The following FBXO34 variants were observed in gnomAD, a reference collection of about 807,000 sequenced individuals.
FBXO34 encodes the protein F-box only protein 34.
Under a neutral mutation model 24.5 loss-of-function variants are expected in FBXO34, and 12 were observed. The observed-to-expected ratio is 0.49, with a 90% CI of 0.31 to 0.79. The LOEUF (loss-of-function observed/expected upper bound fraction) is 0.79, where lower values mean the gene tolerates loss of function less well. FBXO34 is among the 30% of genes least tolerant of loss of function. FBXO34 has a pLI of 0.04. For missense variants in FBXO34, 823 were observed against 857.7 expected (o/e 0.96, Z 0.51); for synonymous variants, 320 against 311.9 (o/e 1.03, Z -0.27).
At chr14:55,345,557 T>G (rs553330376) in intron 1 of FBXO34, among the ~76,000 whole-genome samples, 188 of 152,252 alleles carry the variant, frequency 1.2e-3, no homozygotes, top group Non-Finnish European at 9.1e-4. Context: ...TCTCCCCGTC[T>G]CCCCATGGGC....
At chr14:55,368,981 CTT>C (rs1036295033), downstream of FBXO34, 10 of 152,686 alleles carry the variant, frequency 6.5e-5, no homozygotes, top group African/African-American at 2.4e-4. Flanking sequence ...AAGAAAAAGA[CTT>C]TCATTTTCTT....
At chr14:55,388,961 A>T in the FBXO34 span, among the ~76,000 whole-genome samples, 2 of 152,030 alleles carry the variant, frequency 1.3e-5, no homozygotes, top group Non-Finnish European at 2.9e-5. Context: ...TTTTTTTTCA[A>T]CATGGCGATT....
intron 1 of FBXO34, among the ~76,000 whole-genome samples, chr14:55,274,644 G>A (rs1181136723): frequency 1.3e-5 from 2 of 152,092 alleles, no homozygotes; most frequent in Admixed American, 6.5e-5. Flanking sequence ...CTCAGGATAT[G>A]TTTATTGGAT....
At chr14:55,322,309 CAAAAAAAAA>C (rs3084455) in intron 1 of FBXO34, among the ~76,000 whole-genome samples, 12 of 122,050 alleles carry the variant, frequency 9.8e-5, no homozygotes, top group Non-Finnish European at 1.4e-4. Flanking sequence ...GACTCTGTCT[CAAAAAAAAA>C]AAAAAAAAAA....
downstream of FBXO34, among the ~76,000 whole-genome samples, chr14:55,373,022 C>T (rs760552478): frequency 6.4e-5 from 8 of 124,038 alleles, no homozygotes; most frequent in Non-Finnish European, 9.1e-5. Context: ...GAGGCCCCTG[C>T]GATGTTTCTC....
chr14:55,366,516 G>C (rs778333697), downstream of FBXO34: 1 of 152,546 alleles, frequency 6.6e-6, no homozygotes, highest in Non-Finnish European at 1.5e-5. Context: ...GGAGATTCTC[G>C]GACACTAGTC....
intron 1 of FBXO34, among the ~76,000 whole-genome samples, chr14:55,348,288 G>A (rs1329026091): frequency 6.6e-6 from 1 of 152,040 alleles, no homozygotes; most frequent in East Asian, 1.9e-4. Flanking sequence ...GAGTATAGCA[G>A]TGTGATCATA....
chr14:55,411,811 G>A, the FBXO34 span: 13 of 1,594,808 alleles, frequency 8.2e-6, no homozygotes, highest in Non-Finnish European at 1.1e-5. Context: ...CCTTCCCACT[G>A]GGAGACGCCA....
At chr14:55,301,351 C>T (rs1882347972) in intron 1 of FBXO34, among the ~76,000 whole-genome samples, 1 of 151,704 alleles carries the variant, frequency 6.6e-6, no homozygotes, top group South Asian at 2.1e-4. Flanking sequence ...GTGGGAGGAT[C>T]ACCTGAGCCC....
the FBXO34 span, among the ~76,000 whole-genome samples, chr14:55,410,883 A>G: frequency 6.6e-6 from 1 of 151,986 alleles, no homozygotes; most frequent in Non-Finnish European, 1.5e-5. Context: ...GCAGCTAATC[A>G]CACTAATTTT....
At chr14:55,320,239 TATG>T (rs1159186725) in intron 1 of FBXO34, among the ~76,000 whole-genome samples, 4 of 152,084 alleles carry the variant, frequency 2.6e-5, no homozygotes, top group Admixed American at 2.6e-4. Flanking sequence ...TGGGGAGAAT[TATG>T]ATAGGTTTAT....
intron 1 of FBXO34, among the ~76,000 whole-genome samples, chr14:55,290,505 T>A (rs1157770777): frequency 6.6e-6 from 1 of 152,176 alleles, no homozygotes; most frequent in African/African-American, 2.4e-5. Context: ...CCCCCTACCA[T>A]CACTTTTCTG....
the FBXO34 span, among the ~76,000 whole-genome samples, chr14:55,394,375 C>T: frequency 2.6e-5 from 4 of 152,064 alleles, no homozygotes; most frequent in Admixed American, 6.6e-5. Context: ...TCAATTTGTA[C>T]CCAATTCTTA....
chr14:55,326,254 G>T (rs556057038), intron 1 of FBXO34, among the ~76,000 whole-genome samples: 1 of 152,192 alleles, frequency 6.6e-6, no homozygotes, highest in East Asian at 1.9e-4. Flanking sequence ...CCCTCCCTCT[G>T]TCTCCTCCCC....
At chr14:55,343,810 C>A (rs1884070344) in intron 1 of FBXO34, among the ~76,000 whole-genome samples, 1 of 152,194 alleles carries the variant, frequency 6.6e-6, no homozygotes, top group Non-Finnish European at 1.5e-5. Flanking sequence ...GATTCTTCAT[C>A]AGGTTTACCC....
intron 1 of FBXO34, among the ~76,000 whole-genome samples, chr14:55,336,551 T>C (rs1481547299): frequency 2.0e-5 from 3 of 152,202 alleles, no homozygotes; most frequent in East Asian, 3.8e-4. Flanking sequence ...TGTTTAGTTC[T>C]CCTTTTTAAA....
chr14:55,385,986 C>T, the FBXO34 span: 1 of 1,614,122 alleles, frequency 6.2e-7, no homozygotes, highest in South Asian at 1.1e-5. Context: ...TCTACCAGGT[C>T]ACCAAGTTTG....
At chr14:55,416,485 T>C in the FBXO34 span, among the ~76,000 whole-genome samples, 18 of 152,120 alleles carry the variant, frequency 1.2e-4, no homozygotes, top group Admixed American at 1.0e-3. Context: ...AGTTATTTAT[T>C]CATTGCCAAA....
intron 1 of FBXO34, among the ~76,000 whole-genome samples, chr14:55,307,332 A>G (rs141374238): frequency 1.3e-5 from 2 of 152,302 alleles, no homozygotes; most frequent in South Asian, 2.1e-4. Context: ...CATATTTGTC[A>G]CTGCAACTTT....
Sources: allele counts gnomAD v4.1 joint callset (sites outside exome capture counted in the v4.1 genomes callset), GRCh38; gene constraint gnomAD v4.1.1; transcripts MANE v1.5; gene names NCBI Gene and HGNC (gene_info 2026-07-23, HGNC 2026-07-21).